The following INPP5A variants were observed in gnomAD, a reference collection of about 807,000 sequenced individuals.
INPP5A encodes the protein inositol polyphosphate-5-phosphatase A, also known as 43 kDa inositol polyphosphate 5-phophatase.
In INPP5A, 14 loss-of-function variants were observed where a neutral mutation model predicts 65.2. That is an observed-to-expected ratio of 0.21 (90% CI 0.14 to 0.34). The LOEUF is 0.34. INPP5A is among the 10% of genes least tolerant of loss of function. The pLI, the probability that INPP5A is intolerant of heterozygous loss-of-function variation, is 1.00. For missense variants in INPP5A, 431 were observed against 545.6 expected (o/e 0.79, Z 2.09); for synonymous variants, 207 against 208.3 (o/e 0.99, Z 0.05).
chr10:132,781,386 A>AGT (rs1565017330), intron 14 of INPP5A, among the ~76,000 whole-genome samples: 1 of 152,224 alleles, frequency 6.6e-6, no homozygotes, highest in South Asian at 2.1e-4. Context: ...GCACCTCGAG[A>AGT]GTGTGCACAG....
At position 132,671,467 on chromosome 10, in the gene INPP5A, C is replaced by T. The variant is rs565967959; in HGVS notation, c.307-18925C>T. 5.9e-5 allele frequency among the ~76,000 whole-genome samples: 9 copies of T among 152,144 alleles called. No homozygotes were observed. The East Asian group carries it at 1.4e-3, about 23-fold the overall frequency. Reference sequence around the variant, plus strand: ...ACTCGGCCCTCCCTGCTCTGGACTCCGCCCTCCCTGCTTCTGACTCCACCC... The same window carrying T: ...ACTCGGCCCTCCCTGCTCTGGACTCTGCCCTCCCTGCTTCTGACTCCACCC... On this transcript the variant is annotated intron_variant, in intron 4 of 15. Transcript: ENST00000368594.
chr10:132,634,284 C>T (rs1180083091), intron 2 of INPP5A, among the ~76,000 whole-genome samples: 1 of 147,596 alleles, frequency 6.8e-6, no homozygotes, highest in African/African-American at 2.6e-5. Context: ...CCCGGAGAGG[C>T]GTATCATCTC....
intron 1 of INPP5A, among the ~76,000 whole-genome samples, chr10:132,601,695 T>C (rs924728799): frequency 5.9e-5 from 9 of 152,244 alleles, no homozygotes; most frequent in African/African-American, 2.2e-4. Context: ...TTTCATTCTT[T>C]TGCATGCGGT....
intron 4 of INPP5A, among the ~76,000 whole-genome samples, chr10:132,656,991 T>C (rs1453576155): frequency 1.3e-5 from 2 of 152,164 alleles, no homozygotes; most frequent in African/African-American, 4.8e-5. Context: ...ATGACCTAGT[T>C]GGGTCTGGGG....
chr10:132,552,605 C>A (rs1471355221), intron 1 of INPP5A, among the ~76,000 whole-genome samples: 2 of 131,112 alleles, frequency 1.5e-5, no homozygotes, highest in African/African-American at 3.0e-5. Context: ...GCCTTGGTGG[C>A]ATATTGAGTG....
chr10:132,781,300 C>T (rs1425641421), intron 14 of INPP5A, among the ~76,000 whole-genome samples: 4 of 152,186 alleles, frequency 2.6e-5, no homozygotes, highest in African/African-American at 7.2e-5. Flanking sequence ...CACTGTCAGC[C>T]GAGGAGCCGG....
intron 9 of INPP5A, among the ~76,000 whole-genome samples, chr10:132,733,102 C>T (rs537770262): frequency 6.6e-5 from 10 of 152,298 alleles, no homozygotes; most frequent in East Asian, 1.9e-4. Context: ...GGCTCATGGC[C>T]GCATCACCTC....
At chr10:132,715,967 C>A (rs570302488) in intron 8 of INPP5A, among the ~76,000 whole-genome samples, 1 of 152,360 alleles carries the variant, frequency 6.6e-6, no homozygotes, top group African/African-American at 2.4e-5. Flanking sequence ...CCGTGAAGCC[C>A]GCTGCCTCTG....
At chr10:132,661,133 T>C (rs1178066359) in intron 4 of INPP5A, among the ~76,000 whole-genome samples, 1 of 152,152 alleles carries the variant, frequency 6.6e-6, no homozygotes, top group Admixed American at 6.5e-5. Context: ...TGTCCCCAGC[T>C]GCATGCTCCC....
chr10:132,782,382 C>G lies in INPP5A; in HGVS notation c.*353C>G, dbSNP rs1847180325. On this transcript the variant is annotated 3_prime_UTR_variant, in exon 16 of 16. Coordinates refer to ENST00000368594, the MANE Select transcript of INPP5A (RefSeq NM_005539.5). The surrounding 1 kb of genome is among the most constrained non-coding windows in gnomAD (Gnocchi z 4.4). Reference sequence around the variant, plus strand: ...TGCCAGTGGAGGGGCTTCTTCAGCACAGAGACCCCCCACTGTGTCCAGGGA... The same window carrying G: ...TGCCAGTGGAGGGGCTTCTTCAGCAGAGAGACCCCCCACTGTGTCCAGGGA... 3.1e-6 allele frequency: 1 copy of G among 325,344 alleles called. No homozygotes were observed. Among genetic ancestry groups the G allele is most frequent in the Middle Eastern group, 1.1e-3 (1 of 890 alleles). The allele number at this position is 325,344 out of a possible 1,614,324, so 20.2% of individuals were successfully genotyped here.
chr10:132,747,025 G>C (rs1196114612), intron 9 of INPP5A, among the ~76,000 whole-genome samples: 3 of 152,230 alleles, frequency 2.0e-5, no homozygotes, highest in Admixed American at 1.3e-4. Context: ...TTGGGAGCCT[G>C]CCTGAAGTGC....
At chr10:132,631,861 C>T (rs780973302) in intron 2 of INPP5A, among the ~76,000 whole-genome samples, 8 of 152,224 alleles carry the variant, frequency 5.3e-5, no homozygotes, top group Non-Finnish European at 8.8e-5. Context: ...ATTGACTGCC[C>T]TTTTTTCCTT....
Position 132,551,931 on chromosome 10 carries a change from C to G in INPP5A, c.75+13760C>G, listed in dbSNP as rs934289009. ...TGCGGCCCAACCTGGCAGTACCCCC[C>G]ACACAGGGGTCCAGGTGTCCTCTGA... On this transcript the variant is annotated intron_variant, in intron 1 of 15. Transcript: ENST00000368594. This position sits in a 1 kb window ranked among gnomAD's most constrained non-coding sequence, Gnocchi z 5.3. Among the ~76,000 whole-genome samples the G allele has an allele frequency of 5.3e-5, 8 of 152,238 alleles. No homozygotes were observed. Among genetic ancestry groups the G allele is most frequent in the African/African-American group, 1.9e-4 (8 of 41,456 alleles).
intron 1 of INPP5A, among the ~76,000 whole-genome samples, chr10:132,560,604 A>AT (rs950872802): frequency 2.0e-4 from 29 of 148,222 alleles, no homozygotes; most frequent in African/African-American, 5.2e-4. Context: ...GCACATTTTA[A>AT]TTTTTTTTTT....
chr10:132,757,595 C>T (rs1011477068), intron 11 of INPP5A, among the ~76,000 whole-genome samples: 1 of 152,250 alleles, frequency 6.6e-6, no homozygotes, highest in African/African-American at 2.4e-5. Flanking sequence ...CCCGTCGTTC[C>T]GTGACACGTG....
chr10:132,719,047 T>A (rs1254945835), intron 8 of INPP5A, among the ~76,000 whole-genome samples: 1 of 147,622 alleles, frequency 6.8e-6, no homozygotes, highest in African/African-American at 2.5e-5. Flanking sequence ...CTGGGTTCTG[T>A]CTGGGCGCCT....
intron 1 of INPP5A, among the ~76,000 whole-genome samples, chr10:132,558,274 G>A (rs748163721): frequency 4.6e-5 from 7 of 152,096 alleles, no homozygotes; most frequent in Non-Finnish European, 1.0e-4. Flanking sequence ...GGGTGTCCCC[G>A]GCCCACGCGC....
chr10:132,558,319 G>A (rs539134555), intron 1 of INPP5A, among the ~76,000 whole-genome samples: 5 of 152,330 alleles, frequency 3.3e-5, no homozygotes, highest in Admixed American at 1.3e-4. Flanking sequence ...CCCGGCCCAC[G>A]CTCTCCTGAG....
intron 2 of INPP5A, among the ~76,000 whole-genome samples, chr10:132,613,112 CTTT>C (rs1317864081): frequency 6.6e-6 from 1 of 152,334 alleles, no homozygotes; most frequent in South Asian, 2.1e-4. Context: ...ATTTCTTTCC[CTTT>C]TACCTTTTTT....
Sources: allele counts gnomAD v4.1 joint callset (sites outside exome capture counted in the v4.1 genomes callset), GRCh38; gene constraint gnomAD v4.1.1; non-coding constraint Gnocchi (gnomAD v3.1); transcripts MANE v1.5; gene names NCBI Gene and HGNC (gene_info 2026-07-23, HGNC 2026-07-21).